TCF20: variants seen among roughly 807,000 people sequenced by gnomAD.
TCF20 encodes transcription factor 20.
TCF20 carries 3 observed loss-of-function variants against 148.6 expected under a neutral mutation model. The ratio of observed to expected loss-of-function variants is 0.02; its 90% CI spans 0.01 to 0.05. The LOEUF (loss-of-function observed/expected upper bound fraction) is 0.05. Among genes scored for constraint, TCF20 ranks in the 10% least tolerant of loss-of-function variants. The pLI, the probability that TCF20 is intolerant of heterozygous loss-of-function variation, is 1.00. For synonymous variants in TCF20, 1,049 were observed against 909.5 expected (o/e 1.15, Z -2.76); for missense variants, 2,350 against 2,429.3 (o/e 0.97, Z 0.69).
intron 1 of TCF20, among the ~76,000 whole-genome samples, chr22:42,296,703 C>T (rs988107240): frequency 3.9e-5 from 6 of 152,236 alleles, no homozygotes; most frequent in Non-Finnish European, 8.8e-5. Context: ...GGCAGTGCGA[C>T]AGGGCCAAGT....
At chr22:42,288,573 G>A (rs1249756844), upstream of TCF20, among the ~76,000 whole-genome samples, 1 of 149,160 alleles carries the variant, frequency 6.7e-6, no homozygotes, top group African/African-American at 2.5e-5. Flanking sequence ...GCATGGTGGC[G>A]TGCCCCTGTA....
intron 2 of TCF20, among the ~76,000 whole-genome samples, chr22:42,200,799 G>A (rs1320153012): frequency 6.6e-6 from 1 of 152,114 alleles, no homozygotes; most frequent in Non-Finnish European, 1.5e-5. Flanking sequence ...GTCTGCTTCT[G>A]ATGTCTCCCT....
chr22:42,274,115 C>T (rs1315899424), upstream of TCF20: 1 of 152,754 alleles, frequency 6.5e-6, no homozygotes, highest in African/African-American at 2.4e-5. Context: ...CGCCTGCTAA[C>T]TCAGTCACAC....
chr22:42,213,765 G>A lies in TCF20; in HGVS notation c.1541C>T (p.Pro514Leu), dbSNP rs1222691674. ...SSQPEEQLKSPMAESLDGGCS... is the reference protein window; with the variant it reads ...SSQPEEQLKSLMAESLDGGCS... ...GCCTCCATCTAATGACTCTGCCATA[G>A]GGGACTTCAGCTGTTCTTCAGGTTG... The change falls in exon 2 of 6, where the codon CCT (proline) becomes CTT (leucine). Residue 514 changes from proline to leucine, a missense_variant. Pro to Leu is a moderately conservative substitution (Grantham distance 98). This residue lies in a region of TCF20 where 1,641 missense variants were observed against 1,662.6 expected (regional missense o/e 0.99). Transcript: ENST00000677622. 1.9e-6 allele frequency: 3 copies of A among 1,614,142 alleles called. No homozygotes were observed. The highest frequency in any genetic ancestry group is 2.2e-5 in the South Asian group (2 of 91,084).
rs1296318474 is a variant in TCF20, at chr22:42,290,279, G to C, written c.-37+53200C>G. Among the ~76,000 whole-genome samples, 1 of 152,160 alleles carries C rather than the reference G, an allele frequency of 6.6e-6. No homozygotes were observed. Among genetic ancestry groups the C allele is most frequent in the Non-Finnish European group, 1.5e-5 (1 of 68,018 alleles). On this transcript the variant is annotated intron_variant, in intron 1 of 1. Coordinates refer to the TCF20 transcript ENST00000515426. This position sits in a 1 kb window ranked among gnomAD's most constrained non-coding sequence, Gnocchi z 4.2. Reference sequence around the variant, plus strand: ...CTGCCCTAGGATGTGCAGGAGGCTCGGGGCCCCTGAGAAGCGGCCCAGCAC... The same window carrying C: ...CTGCCCTAGGATGTGCAGGAGGCTCCGGGCCCCTGAGAAGCGGCCCAGCAC...
chr22:42,221,694 C>T (rs919147480), intron 1 of TCF20, among the ~76,000 whole-genome samples: 2 of 146,928 alleles, frequency 1.4e-5, no homozygotes, highest in Non-Finnish European at 3.0e-5. Flanking sequence ...GCTCTGAATG[C>T]CAAGGATGTG....
At chr22:42,287,899 G>A (rs1927060763), upstream of TCF20, among the ~76,000 whole-genome samples, 1 of 152,162 alleles carries the variant, frequency 6.6e-6, no homozygotes. Context: ...AAAAAGTCCT[G>A]CAAATCAGAT....
chr22:42,264,532 C>T (rs1926185989), intron 1 of TCF20, among the ~76,000 whole-genome samples: 1 of 152,196 alleles, frequency 6.6e-6, no homozygotes, highest in Admixed American at 6.5e-5. Flanking sequence ...AGCCCACTTC[C>T]ATCCTTTGGA....
At chr22:42,221,339 T>C (rs917238065) in intron 1 of TCF20, among the ~76,000 whole-genome samples, 1 of 152,172 alleles carries the variant, frequency 6.6e-6, no homozygotes, top group Admixed American at 6.5e-5. Flanking sequence ...ATCAAAACCA[T>C]TCATACCGGA....
rs539308899 is a variant in TCF20 at position 42,265,282 on chromosome 22, T to G, written c.-37+5057A>C. 1.1e-4 allele frequency among the ~76,000 whole-genome samples: 16 copies of G among 152,326 alleles called. No homozygotes were observed. The South Asian group carries it at 1.7e-3, about 16-fold the overall frequency. ...TGACCAAATTATGCTCTACTAACTA[T>G]AAATACCTTGATTTCAGTATACTGT... is the stretch of plus-strand genomic sequence containing the variant. On this transcript the variant is annotated intron_variant, in intron 1 of 5. Transcript: ENST00000677622.
intron 1 of TCF20, among the ~76,000 whole-genome samples, chr22:42,310,955 T>G (rs970333874): frequency 6.6e-5 from 10 of 152,220 alleles, no homozygotes; most frequent in Non-Finnish European, 1.5e-4. Context: ...AGCTTCTGGC[T>G]GCATCTTGGA....
At chr22:42,324,246 T>C (rs1927828441) in intron 1 of TCF20, among the ~76,000 whole-genome samples, 1 of 112,858 alleles carries the variant, frequency 8.9e-6, no homozygotes, top group Non-Finnish European at 2.1e-5. Context: ...TGGTGGCCAT[T>C]ATTATTGGAA....
rs1180154110 is a variant in TCF20 at position 42,270,482 on chromosome 22, G to GC, written c.-181dup. 4.1e-5 allele frequency among the ~76,000 whole-genome samples: 6 copies of GC among 144,762 alleles called. No homozygotes were observed. In the South Asian group the frequency reaches 1.0e-3, roughly 25 times the overall value. The allele number at this position is 144,762 out of a possible 152,430, so 95.0% of individuals were successfully genotyped here. A position where few individuals can be genotyped will look rare whatever the true frequency, so the allele number is the denominator to read the frequency against. On this transcript the variant is annotated 5_prime_UTR_variant, in exon 1 of 6. Transcript: ENST00000677622. ...CTCGGGCGCCCGGGCCGGCGGCGGG[G>GC]CGGGCCGGGGCCGCGGCCCCTCGAG...
Position 42,292,713 on chromosome 22 carries a change from A to G in TCF20, c.-37+50766T>C, listed in dbSNP as rs1927154031. On this transcript the variant is annotated intron_variant, in intron 1 of 1. Coordinates refer to the TCF20 transcript ENST00000515426. This position sits in a 1 kb window ranked among gnomAD's most constrained non-coding sequence, Gnocchi z 4.9. Reference sequence around the variant, plus strand: ...GCACACACCTGGGACACAGGACCCCACGGCTAGGAAGACAAGGCTCGGATT... The same window carrying G: ...GCACACACCTGGGACACAGGACCCCGCGGCTAGGAAGACAAGGCTCGGATT... Among the ~76,000 whole-genome samples the G allele has an allele frequency of 6.6e-6, 1 of 152,024 alleles. No homozygotes were observed. Among genetic ancestry groups the G allele is most frequent in the South Asian group, 2.1e-4 (1 of 4,808 alleles).
chr22:42,208,318 A>T (rs1348486196), intron 2 of TCF20, among the ~76,000 whole-genome samples: 4 of 152,216 alleles, frequency 2.6e-5, no homozygotes, highest in Non-Finnish European at 4.4e-5. Flanking sequence ...GAAAAAAAAT[A>T]AGTAAATAAA....
At chr22:42,186,705 A>C (rs1218871575) in intron 2 of TCF20, among the ~76,000 whole-genome samples, 1 of 152,170 alleles carries the variant, frequency 6.6e-6, no homozygotes, top group Non-Finnish European at 1.5e-5. Context: ...GTCTCTGGAC[A>C]CTTCACTTCT....
intron 1 of TCF20, among the ~76,000 whole-genome samples, chr22:42,310,079 T>C (rs1433181304): frequency 1.3e-5 from 2 of 152,168 alleles, no homozygotes; most frequent in African/African-American, 4.8e-5. Flanking sequence ...AGGTGGACTT[T>C]GAAGGATGTG....
chr22:42,243,091 A>G (rs764627093), intron 1 of TCF20, among the ~76,000 whole-genome samples: 8 of 151,944 alleles, frequency 5.3e-5, no homozygotes, highest in Admixed American at 6.6e-5. Context: ...CTCCTGGGAT[A>G]GTGAAACAAT....
At chr22:42,238,632 G>A (rs1314171035) in intron 1 of TCF20, among the ~76,000 whole-genome samples, 1 of 152,150 alleles carries the variant, frequency 6.6e-6, no homozygotes, top group Non-Finnish European at 1.5e-5. Context: ...AACATTTAAT[G>A]GTCATGATCA....
Sources: allele counts gnomAD v4.1 joint callset (sites outside exome capture counted in the v4.1 genomes callset), GRCh38; gene constraint gnomAD v4.1.1; regional missense constraint gnomAD v4.1.1; non-coding constraint Gnocchi (gnomAD v3.1); transcripts MANE v1.5; gene names NCBI Gene and HGNC (gene_info 2026-07-23, HGNC 2026-07-21).